Variants in L2HGDH observed in about 807,000 individuals in gnomAD.
The protein encoded by L2HGDH is L-2-hydroxyglutarate dehydrogenase, mitochondrial.
In L2HGDH, 34 loss-of-function variants were observed where a neutral mutation model predicts 51.5. The observed-to-expected ratio is 0.66, with a 90% CI of 0.50 to 0.88. The LOEUF (loss-of-function observed/expected upper bound fraction) is 0.88. Among genes scored for constraint, L2HGDH ranks in the 40% least tolerant of loss-of-function variants. The pLI is 0.00. For synonymous variants in L2HGDH, 198 were observed against 197.9 expected (o/e 1.00, Z -0.01); for missense variants, 558 against 571.9 (o/e 0.98, Z 0.25).
At chr14:50,308,494 T>C (rs1211775222) in intron 1 of L2HGDH, among the ~76,000 whole-genome samples, 2 of 151,670 alleles carry the variant, frequency 1.3e-5, no homozygotes, top group Non-Finnish European at 2.9e-5. Context: ...TTCAACACCA[T>C]TAGTCAATGC....
At chr14:50,282,345 C>T (rs1890321219) in intron 5 of L2HGDH, 1 of 416,140 alleles carries the variant, frequency 2.4e-6, no homozygotes, top group Non-Finnish European at 4.8e-6. Flanking sequence ...TCCTACTTTC[C>T]TAGTCCAGCC....
At position 50,270,576 on chromosome 14, in the gene L2HGDH, G is replaced by A. The variant is rs376252416; in HGVS notation, c.739-1246C>T. ...GCTGGAGTGCAGTGGCAGCGATCTC[G>A]GCTCACTGCAAGCTCCACCTCTTGG... On this transcript the variant is annotated intron_variant, in intron 6 of 9. Transcript: ENST00000267436. Among the ~76,000 whole-genome samples the A allele has an allele frequency of 2.0e-3, 302 of 152,038 alleles. 2 individuals are homozygous for A. The highest frequency in any genetic ancestry group is 6.4e-3 in the African/African-American group (266 of 41,448).
intron 8 of L2HGDH, among the ~76,000 whole-genome samples, 164 bp downstream of exon 8, chr14:50,267,589 C>T (rs1218222958): frequency 6.6e-6 from 1 of 151,944 alleles, no homozygotes; most frequent in South Asian, 2.1e-4. Flanking sequence ...TGTTTGTTTG[C>T]TACCCCATCC....
chr14:50,259,043 A>T (rs1888841345), intron 9 of L2HGDH, among the ~76,000 whole-genome samples: 1 of 143,492 alleles, frequency 7.0e-6, no homozygotes. Context: ...TTTTTACTAG[A>T]GACAAGGTCT....
Position 50,254,450 on chromosome 14 carries a change from T to C in L2HGDH, c.1197-7197A>G, listed in dbSNP as rs4901003. Among the ~76,000 whole-genome samples the C allele has an allele frequency of 3.8e-3, 573 of 152,226 alleles. 19 individuals are homozygous for C. The highest frequency in any genetic ancestry group is 0.033 in the Admixed American group (499 of 15,266). On this transcript the variant is annotated intron_variant, in intron 9 of 9. Transcript: ENST00000267436. ...AGACGCATATGTTTATCAGCTGGTA[T>C]GTGGCCTATTTTGTATACTATTTAT...
intron 9 of L2HGDH, among the ~76,000 whole-genome samples, chr14:50,262,563 G>A (rs1889095384): frequency 6.6e-6 from 1 of 151,564 alleles, no homozygotes; most frequent in Non-Finnish European, 1.5e-5. Flanking sequence ...TTACCGATAT[G>A]ATAGAAGCCT....
chr14:50,284,103 T>A, intron 4 of L2HGDH, 70 bp from the exon 5 acceptor site: 2 of 1,475,882 alleles, frequency 1.4e-6, no homozygotes, highest in South Asian at 2.3e-5. Context: ...ATCTCTATAA[T>A]CAAGAAACAA....
intron 9 of L2HGDH, among the ~76,000 whole-genome samples, chr14:50,254,944 G>A (rs1251045799): frequency 2.0e-5 from 3 of 151,982 alleles, no homozygotes; most frequent in Non-Finnish European, 2.9e-5. Context: ...TACTTGGAAG[G>A]CAGAGGTGGG....
chr14:50,246,997 A>C lies in L2HGDH; in HGVS notation c.*61T>G, dbSNP rs140029296. 3.1e-4 allele frequency: 481 copies of C among 1,568,364 alleles called. 7 individuals are homozygous for C. The African/African-American group carries it at 5.7e-3, about 19-fold the overall frequency. ...AACCATTTTTTAAATTAAAGAATGC[A>C]ATTAGTACATTCTTGTTGCTGACAT... On this transcript the variant is annotated 3_prime_UTR_variant, in exon 10 of 10. Transcript: ENST00000267436.
intron 4 of L2HGDH, among the ~76,000 whole-genome samples, chr14:50,292,924 G>A (rs1334566465): frequency 6.6e-6 from 1 of 151,856 alleles, no homozygotes; most frequent in Non-Finnish European, 1.5e-5. Flanking sequence ...AGCTACTATA[G>A]CTCATGCTTG....
chr14:50,243,315 A>C lies in L2HGDH; in HGVS notation c.*3743T>G, dbSNP rs951815442. The C allele has an allele frequency of 4.1e-6, 4 of 985,140 alleles. No individual in the cohort carries two copies. The African/African-American group carries it at 7.0e-5, about 17-fold the overall frequency. 61.0% of individuals were successfully genotyped at this position (985,140 alleles called of 1,614,324 possible). A position where few individuals can be genotyped will look rare whatever the true frequency, so the allele number is the denominator to read the frequency against. ...ATGCTCCACTTTTTACCCAAAATAT[A>C]AATGACTCAACCTCATTTTGTATTA... On this transcript the variant is annotated 3_prime_UTR_variant, in exon 10 of 10. Coordinates refer to ENST00000267436, the MANE Select transcript of L2HGDH (RefSeq NM_024884.3).
intron 9 of L2HGDH, among the ~76,000 whole-genome samples, chr14:50,250,111 A>G (rs557953167): frequency 1.6e-4 from 25 of 152,272 alleles, no homozygotes; most frequent in Admixed American, 1.5e-3. Context: ...CATGGTGGCC[A>G]GGCTGGTCTC....
chr14:50,302,268 T>A lies in L2HGDH; in HGVS notation c.257-100A>T, dbSNP rs376530424. 3.3e-5 allele frequency: 42 copies of A among 1,268,200 alleles called. No homozygotes were observed. In the South Asian group the frequency reaches 4.8e-4, roughly 15 times the overall value. 78.6% of individuals were successfully genotyped at this position (1,268,200 alleles called of 1,614,324 possible). ...ATAGTTGAAGCTATTAGAGACCACA[T>A]CATGTAAAATTCTGCCTGAATTTGT... On this transcript the variant is annotated intron_variant, in intron 2 of 9. Transcript: ENST00000267436.
chr14:50,247,203 A>T lies in L2HGDH; in HGVS notation c.1247T>A (p.Val416Glu). 1.2e-6 allele frequency: 2 copies of T among 1,614,158 alleles called. No individual in the cohort carries two copies. Among genetic ancestry groups the T allele is most frequent in the Middle Eastern group, 3.3e-4 (2 of 6,062 alleles). The change falls in exon 10 of 10, where the codon GTA (valine) becomes GAA (glutamate). Residue 416 changes from valine to glutamate, a missense_variant. This residue lies in a region of L2HGDH where 321 missense variants were observed against 311.8 expected (regional missense o/e 1.03). Coordinates refer to ENST00000267436, the MANE Select transcript of L2HGDH (RefSeq NM_024884.3). ...AQALDRDGNL[V>E]EDFVFDAGVG... The stretch of plus-strand genomic sequence containing the variant: ...TCCTGCATCAAATACAAAATCTTCT[A>T]CCAGATTTCCATCTCTATCCAGGGC...
intron 1 of L2HGDH, among the ~76,000 whole-genome samples, chr14:50,305,952 GTTAT>G (rs976888969): frequency 6.6e-6 from 1 of 151,634 alleles, no homozygotes; most frequent in African/African-American, 2.4e-5. Flanking sequence ...TTTAAATTGT[GTTAT>G]TTTTTACTGT....
At position 50,243,337 on chromosome 14, in the gene L2HGDH, A is replaced by G; in HGVS notation, c.*3721T>C. 3.0e-6 allele frequency: 3 copies of G among 984,390 alleles called. No homozygotes were observed. Among genetic ancestry groups the G allele is most frequent in the Non-Finnish European group, 3.6e-6 (3 of 828,982 alleles). 61.0% of individuals were successfully genotyped at this position (984,390 alleles called of 1,614,324 possible). On this transcript the variant is annotated 3_prime_UTR_variant, in exon 10 of 10. Coordinates refer to ENST00000267436, the MANE Select transcript of L2HGDH (RefSeq NM_024884.3). Reference sequence around the variant, plus strand: ...TATAAATGACTCAACCTCATTTTGTATTATATACTAACACAGAAATGAGTT... The same window carrying G: ...TATAAATGACTCAACCTCATTTTGTGTTATATACTAACACAGAAATGAGTT...
Position 50,294,197 on chromosome 14 carries a change from T to C in L2HGDH, c.458A>G (p.Tyr153Cys). Residue 153 changes from tyrosine (Y) to cysteine (C), a missense_variant, in exon 4 of 10, where the codon TAT becomes TGT. Tyr to Cys is a radical substitution (Grantham distance 194). Around this residue, in one of 3 missense-constraint regions of L2HGDH, gnomAD observed 43 missense variants for 72.9 expected, o/e 0.59. Transcript: ENST00000267436. The stretch of plus-strand genomic sequence containing the variant: ...GACACCATTCTGGAGGCCTTTCTCA[T>C]ATAGGGCCTGAAGTCTGGGAATTTC... ...QEEIPRLQAL[Y>C]EKGLQNGVPG... The C allele has an allele frequency of 6.2e-7, 1 of 1,613,242 alleles. No individual in the cohort carries two copies. The highest frequency in any genetic ancestry group is 8.5e-7 in the Non-Finnish European group (1 of 1,179,694).
At chr14:50,309,095 C>T (rs570005137) in intron 1 of L2HGDH, among the ~76,000 whole-genome samples, 6 of 152,046 alleles carry the variant, frequency 3.9e-5, no homozygotes, top group Admixed American at 1.3e-4. Context: ...TTTTTTCCCA[C>T]GTCTTGGTAG....
chr14:50,305,247 C>T (rs2030659437), intron 1 of L2HGDH, among the ~76,000 whole-genome samples: 2 of 152,134 alleles, frequency 1.3e-5, no homozygotes, highest in Admixed American at 1.3e-4. Context: ...GGTGGTTCTC[C>T]TGCAGCAGCT....
Sources: gnomAD v4.1 joint callset for allele counts (sites outside exome capture counted in the v4.1 genomes callset) on GRCh38, gnomAD v4.1.1 for gene constraint, gnomAD v4.1.1 regional missense constraint, MANE v1.5 for transcripts, NCBI Gene and HGNC (gene_info 2026-07-23, HGNC 2026-07-21) for gene names.